Variants in MAML1 observed in about 807,000 individuals in gnomAD.
The protein encoded by MAML1 is mastermind-like protein 1.
A neutral mutation model predicts 77.1 loss-of-function variants in MAML1; 14 were observed. That is an observed-to-expected ratio of 0.18 (90% confidence interval 0.12 to 0.28). The LOEUF (loss-of-function observed/expected upper bound fraction) is 0.28. MAML1 is among the 10% of genes least tolerant of loss of function. The probability of loss-of-function intolerance (pLI) is 1.00; values close to 1 mark genes in which losing one functional copy is unlikely to be tolerated. For missense variants in MAML1, 1,217 were observed against 1,327.8 expected, an observed-to-expected ratio of 0.92 and a Z score of 1.30; for synonymous variants, 516 against 551.9, an observed-to-expected ratio of 0.93 and a Z score of 0.91.
intron 1 of MAML1, among the ~76,000 whole-genome samples, chr5:179,736,681 G>A (rs1033995522): frequency 1.3e-5 from 2 of 152,062 alleles, no homozygotes; most frequent in Non-Finnish European, 2.9e-5. Flanking sequence ...TATTAGGGGG[G>A]CCGGGAGCAG....
At chr5:179,742,396 G>A (rs962608674) in intron 1 of MAML1, among the ~76,000 whole-genome samples, 2 of 151,948 alleles carry the variant, frequency 1.3e-5, no homozygotes, top group Non-Finnish European at 2.9e-5. Context: ...GGCTGAGGCA[G>A]GGGAATCCCT....
chr5:179,753,654 A>ATTATTTT (rs1554150374), intron 1 of MAML1, among the ~76,000 whole-genome samples: 1 of 88,850 alleles, frequency 1.1e-5, no homozygotes, highest in Admixed American at 1.7e-4. Context: ...TATTATTATT[A>ATTATTTT]TTTTTTTTTT....
At position 179,773,896 on chromosome 5, in the gene MAML1, G is replaced by A. The variant is rs116011870; in HGVS notation, c.2070G>A (p.Gly690=). Residue 690 remains glycine, a splice_region_variant and synonymous_variant, in exon 5 of 5, where the codon GGG becomes GGA. Transcript: ENST00000292599. ...GCCAGACTCTTCTCTGTCTTGTAGG[G>A]TCCTCTGCTGCCGTGCCCGGCATGA... ...SFPQQVGQFT[G]SSAAVPGMNT... 5.5e-4 allele frequency: 880 copies of A among 1,612,068 alleles called. 6 individuals are homozygous for A. The African/African-American group carries it at 0.011, about 19-fold the overall frequency.
intron 1 of MAML1, among the ~76,000 whole-genome samples, chr5:179,762,944 A>G (rs1489979492): frequency 1.3e-5 from 2 of 152,186 alleles, no homozygotes; most frequent in Non-Finnish European, 2.9e-5. Flanking sequence ...TTACATTGGA[A>G]CTTGTCTGCA....
At chr5:179,762,696 T>C (rs2113370715) in intron 1 of MAML1, among the ~76,000 whole-genome samples, 1 of 152,328 alleles carries the variant, frequency 6.6e-6, no homozygotes, top group Non-Finnish European at 1.5e-5. Context: ...TTTAATCTGT[T>C]CAGGCTGTTT....
At chr5:179,765,269 T>C (rs1422796101) in intron 1 of MAML1, 57 bp from the exon 2 acceptor site, 6 of 1,456,930 alleles carry the variant, frequency 4.1e-6, no homozygotes, top group Non-Finnish European at 5.6e-6. Flanking sequence ...GGCTTGTTAC[T>C]GTCATAGCAG....
rs1407527776 is a variant in MAML1 at position 179,774,429 on chromosome 5, TGCA to T, written c.2611_2613del (p.Gln871del). ...TTCACTGCAGCCTCCAGTTTCCACATGCAGCAGCAGGCCCACCTGAAAATGTCT... is the reference window on the plus strand; with the variant it reads ...TTCACTGCAGCCTCCAGTTTCCACATGCAGCAGGCCCACCTGAAAATGTCT... On this transcript the variant is annotated inframe_deletion, in exon 5 of 5. Transcript: ENST00000292599. 167 of 1,613,256 alleles carry T rather than the reference TGCA, an allele frequency of 1.0e-4. No homozygotes were observed. Among genetic ancestry groups the T allele is most frequent in the Non-Finnish European group, 1.3e-4 (153 of 1,180,036 alleles).
rs1756107775 is a variant in MAML1, at chr5:179,775,165, A to G, written c.*288A>G. 8.8e-7 allele frequency: 1 copy of G among 1,130,070 alleles called. No individual in the cohort carries two copies. The highest frequency in any genetic ancestry group is 4.8e-5 in the East Asian group (1 of 20,750). 70.0% of individuals were successfully genotyped at this position (1,130,070 alleles called of 1,614,324 possible). A position where few individuals can be genotyped will look rare whatever the true frequency, so the allele number is the denominator to read the frequency against. On this transcript the variant is annotated 3_prime_UTR_variant, in exon 5 of 5. Transcript: ENST00000292599. ...GGTTTTCTATCCAAACGACCAAAAA[A>G]CCAACAGTAACACCAGTGAAACCCC...
At chr5:179,761,089 G>T (rs558695064) in intron 1 of MAML1, among the ~76,000 whole-genome samples, 2 of 30,328 alleles carry the variant, frequency 6.6e-5, no homozygotes, top group Non-Finnish European at 1.4e-4. Flanking sequence ...GCGAGTCTCC[G>T]TCTCAAAAAA....
Position 179,733,091 on chromosome 5 carries a change from C to A in MAML1, c.-22C>A. On this transcript the variant is annotated 5_prime_UTR_variant, in exon 1 of 5. Transcript: ENST00000292599. ...GCCCCGAGAGGCCCGGCCCCGGGCC[C>A]GGCCCGTGCAGCCCGCGGCCCATGG... 1 of 1,335,342 alleles carries A rather than the reference C, an allele frequency of 7.5e-7. No individual in the cohort carries two copies. The highest frequency in any genetic ancestry group is 1.7e-5 in the South Asian group (1 of 60,494). 82.7% of individuals were successfully genotyped at this position (1,335,342 alleles called of 1,614,324 possible). A position where few individuals can be genotyped will look rare whatever the true frequency, so the allele number is the denominator to read the frequency against.
chr5:179,776,846 A>G lies in MAML1; in HGVS notation c.*1969A>G. ...TTGGGGTCCCCCCAGGGAGCTGCCC[A>G]TGGCTTTATTTATGAACCTGGTTTT... On this transcript the variant is annotated 3_prime_UTR_variant, in exon 5 of 5. Coordinates refer to ENST00000292599, the MANE Select transcript of MAML1 (RefSeq NM_014757.5). The G allele has an allele frequency of 2.0e-6, 2 of 985,946 alleles. No homozygotes were observed. Among genetic ancestry groups the G allele is most frequent in the Non-Finnish European group, 2.4e-6 (2 of 829,970 alleles). 61.1% of individuals were successfully genotyped at this position (985,946 alleles called of 1,614,324 possible). A position where few individuals can be genotyped will look rare whatever the true frequency, so the allele number is the denominator to read the frequency against.
chr5:179,735,759 C>T (rs1160818459), intron 1 of MAML1, among the ~76,000 whole-genome samples: 1 of 151,946 alleles, frequency 6.6e-6, no homozygotes, highest in African/African-American at 2.4e-5. Flanking sequence ...ATGATTTCTG[C>T]TCACTGCAAC....
Position 179,765,915 on chromosome 5 carries a change from T to G in MAML1, c.905T>G (p.Phe302Cys), listed in dbSNP as rs770519131. The G allele has an allele frequency of 3.5e-5, 56 of 1,613,880 alleles. No homozygotes were observed. The highest frequency in any genetic ancestry group is 4.6e-5 in the Non-Finnish European group (54 of 1,180,000). ...CAGGACATTAATATTAAGACGGAAT[T>G]CTCTCCAGCAGCCTTTGAGCAAGAA... ...LAQDINIKTE[F>C]SPAAFEQEQL... is the part of the protein sequence containing the mutation. The change falls in exon 2 of 5, where the codon TTC (phenylalanine) becomes TGC (cysteine). Residue 302 changes from phenylalanine to cysteine, a missense_variant. By Grantham distance (205) the Phe-to-Cys change is radical. Around this residue, in one of 3 missense-constraint regions of MAML1, gnomAD observed 884 missense variants for 949.3 expected, o/e 0.93. Transcript: ENST00000292599.
chr5:179,740,228 C>T (rs1018965214), intron 1 of MAML1, among the ~76,000 whole-genome samples: 2 of 152,092 alleles, frequency 1.3e-5, no homozygotes, highest in African/African-American at 2.4e-5. Flanking sequence ...GCACCTAGGA[C>T]CAGATCAAGT....
At position 179,765,879 on chromosome 5, in the gene MAML1, C is replaced by T. The variant is rs749517746; in HGVS notation, c.869C>T (p.Thr290Ile). 1.2e-5 allele frequency: 19 copies of T among 1,614,020 alleles called. No homozygotes were observed. Among genetic ancestry groups the T allele is most frequent in the South Asian group, 8.8e-5 (8 of 91,086 alleles). Residue 290 changes from threonine (T) to isoleucine (I), a missense_variant, in exon 2 of 5, where the codon ACC (threonine) becomes ATC (isoleucine). Around this residue, in one of 3 missense-constraint regions of MAML1, gnomAD observed 884 missense variants for 949.3 expected, o/e 0.93. Transcript: ENST00000292599. ...GAGTCTTCTGGCTCTGCCACACAAA[C>T]CCCCTTGGCACAGGACATTAATATT... ...DPESSGSATQ[T>I]PLAQDINIKT...
chr5:179,753,301 C>G (rs1435062492), intron 1 of MAML1, among the ~76,000 whole-genome samples: 1 of 152,034 alleles, frequency 6.6e-6, no homozygotes, highest in Non-Finnish European at 1.5e-5. Flanking sequence ...AATCTGCCTT[C>G]TGATTTCACT....
chr5:179,747,805 T>A (rs1364490653), intron 1 of MAML1, among the ~76,000 whole-genome samples: 3 of 476 alleles, frequency 6.3e-3, no homozygotes, highest in South Asian at 0.071. Context: ...CGAGACTCCA[T>A]CTCAAAAAAA....
At chr5:179,741,198 A>G (rs774833411) in intron 1 of MAML1, among the ~76,000 whole-genome samples, 1 of 152,196 alleles carries the variant, frequency 6.6e-6, no homozygotes, top group African/African-American at 2.4e-5. Flanking sequence ...CCCAGCGTTC[A>G]GTTGGTGGTT....
chr5:179,760,934 A>G (rs187419777), intron 1 of MAML1, among the ~76,000 whole-genome samples: 2 of 152,190 alleles, frequency 1.3e-5, no homozygotes, highest in East Asian at 1.9e-4. Context: ...TACTAAAAAT[A>G]CAAAAACAAA....
Sources: gnomAD v4.1 joint callset for allele counts (sites outside exome capture counted in the v4.1 genomes callset) on GRCh38, gnomAD v4.1.1 for gene constraint, gnomAD v4.1.1 regional missense constraint, MANE v1.5 for transcripts, NCBI Gene and HGNC (gene_info 2026-07-23, HGNC 2026-07-21) for gene names.